The following CCSER1 variants were observed in gnomAD, a reference collection of about 807,000 sequenced individuals.
CCSER1 encodes the protein coiled-coil serine rich protein 1, also known as serine-rich coiled-coil domain-containing protein 1.
In CCSER1, 41 loss-of-function variants were observed where a neutral mutation model predicts 82.0. The observed-to-expected ratio is 0.50, with a 90% CI of 0.39 to 0.65. The LOEUF (loss-of-function observed/expected upper bound fraction) is 0.65, where lower values mean the gene tolerates loss of function less well. Ranked by LOEUF, CCSER1 falls within the 30% of genes least tolerant of loss-of-function variation. The pLI is 0.00. For missense variants in CCSER1, 1,119 were observed against 1,064.2 expected, an observed-to-expected ratio of 1.05 and a Z score of -0.72; for synonymous variants, 414 against 383.9, an observed-to-expected ratio of 1.08 and a Z score of -0.92.
chr4:90,921,143 T>C (rs987761), intron 8 of CCSER1, among the ~76,000 whole-genome samples: 149,901 of 151,940 alleles, frequency 0.99, 73,953 homozygotes, highest in East Asian at 1. Context: ...ATTTATCAAT[T>C]TATAAATTTC....
At chr4:90,713,357 G>A (rs560891957) in intron 6 of CCSER1, among the ~76,000 whole-genome samples, 168 of 151,934 alleles carry the variant, frequency 1.1e-3, no homozygotes, top group African/African-American at 4.0e-3. Context: ...AATTCCCTAA[G>A]CATTTGTTTG....
intron 3 of CCSER1, among the ~76,000 whole-genome samples, chr4:90,327,138 C>T (rs1362233091): frequency 1.3e-5 from 2 of 152,100 alleles, no homozygotes; most frequent in Non-Finnish European, 2.9e-5. Context: ...AAGCAGACAC[C>T]ATTTTCCCCT....
intron 1 of CCSER1, among the ~76,000 whole-genome samples, chr4:90,191,515 A>G (rs930908748): frequency 7.9e-5 from 12 of 152,004 alleles, no homozygotes; most frequent in Non-Finnish European, 1.6e-4. Flanking sequence ...CTATACCAGT[A>G]GTGTGGGTGA....
chr4:90,426,588 C>T (rs1192166829), intron 4 of CCSER1, among the ~76,000 whole-genome samples: 1 of 152,010 alleles, frequency 6.6e-6, no homozygotes, highest in Non-Finnish European at 1.5e-5. Flanking sequence ...CCTTTAAAAG[C>T]CGAGATTTCT....
chr4:90,491,583 C>T (rs1405865013), intron 5 of CCSER1, among the ~76,000 whole-genome samples: 1 of 152,110 alleles, frequency 6.6e-6, no homozygotes, highest in Non-Finnish European at 1.5e-5. Flanking sequence ...GAGGGCATCC[C>T]TGTCTTGTGC....
intron 10 of CCSER1, among the ~76,000 whole-genome samples, chr4:91,401,389 TATA>T (rs1362609120): frequency 6.7e-6 from 1 of 148,314 alleles, no homozygotes; most frequent in African/African-American, 2.5e-5. Context: ...AACATATCAA[TATA>T]ATATATATAT....
At chr4:90,283,259 G>A (rs1380890562) in intron 1 of CCSER1, among the ~76,000 whole-genome samples, 3 of 151,770 alleles carry the variant, frequency 2.0e-5, no homozygotes, top group Non-Finnish European at 4.4e-5. Flanking sequence ...TGATTATGTG[G>A]CATTGTATAC....
chr4:91,431,505 T>C (rs1469955789), intron 10 of CCSER1, among the ~76,000 whole-genome samples: 2 of 152,146 alleles, frequency 1.3e-5, no homozygotes, highest in African/African-American at 2.4e-5. Flanking sequence ...TTCGCTCTTG[T>C]TGCCCGGGCT....
At position 90,516,048 on chromosome 4, in the gene CCSER1, G is replaced by A. The variant is rs145701455; in HGVS notation, c.1724+47694G>A. 4.4e-3 allele frequency among the ~76,000 whole-genome samples: 667 copies of A among 152,242 alleles called. 1 individual carries two copies. The highest frequency in any genetic ancestry group is 6.8e-3 in the Non-Finnish European group (463 of 68,020). On this transcript the variant is annotated intron_variant, in intron 5 of 10. Transcript: ENST00000509176. ...AGAGAAACAGAAATATAATTTGCAC[G>A]TGCAATTGCAATATTGTAAGTACTA...
chr4:90,663,381 G>A (rs1267268589), intron 6 of CCSER1, among the ~76,000 whole-genome samples: 3 of 152,142 alleles, frequency 2.0e-5, no homozygotes, highest in Admixed American at 6.6e-5. Context: ...TCCAAAGCTC[G>A]GAGTGTTTCT....
chr4:90,296,402 A>G (rs1731933712), intron 1 of CCSER1, among the ~76,000 whole-genome samples: 1 of 152,178 alleles, frequency 6.6e-6, no homozygotes, highest in Non-Finnish European at 1.5e-5. Flanking sequence ...GCCCTTTGCC[A>G]GATGAGTAGG....
intron 5 of CCSER1, among the ~76,000 whole-genome samples, chr4:90,507,707 G>T (rs1770908980): frequency 6.6e-6 from 1 of 151,978 alleles, no homozygotes; most frequent in Admixed American, 6.6e-5. Context: ...AATCAAGGTA[G>T]GACTGTTCCT....
chr4:90,480,185 T>G (rs184186377), intron 5 of CCSER1, among the ~76,000 whole-genome samples: 2,424 of 152,290 alleles, frequency 0.016, 40 homozygotes, highest in African/African-American at 0.047. Flanking sequence ...CTTTTAAGAA[T>G]TGTCTGTTCA....
chr4:90,695,877 TTAA>T (rs1736903530), intron 6 of CCSER1, among the ~76,000 whole-genome samples: 1 of 152,028 alleles, frequency 6.6e-6, no homozygotes, highest in South Asian at 2.1e-4. Flanking sequence ...GTGAGTCTTA[TTAA>T]TGTTAATTAT....
intron 3 of CCSER1, among the ~76,000 whole-genome samples, chr4:90,352,560 G>T (rs1042953947): frequency 6.6e-6 from 1 of 151,854 alleles, no homozygotes; most frequent in Non-Finnish European, 1.5e-5. Context: ...TACTTGGGAG[G>T]TTGAGGCAGG....
intron 10 of CCSER1, among the ~76,000 whole-genome samples, chr4:91,496,552 G>T (rs1399519366): frequency 1.0e-5 from 1 of 99,262 alleles, no homozygotes; most frequent in Non-Finnish European, 2.1e-5. Context: ...TGGTATAGTT[G>T]GCATAAATCT....
chr4:90,339,381 C>T (rs1267670361), intron 3 of CCSER1, among the ~76,000 whole-genome samples: 1 of 152,142 alleles, frequency 6.6e-6, no homozygotes, highest in Non-Finnish European at 1.5e-5. Flanking sequence ...CTGCTCTCCT[C>T]AGAGCTGCTC....
At chr4:90,963,197 A>G (rs1184551098) in intron 9 of CCSER1, among the ~76,000 whole-genome samples, 1 of 152,184 alleles carries the variant, frequency 6.6e-6, no homozygotes, top group East Asian at 1.9e-4. Flanking sequence ...TGAGGAAACT[A>G]AGCTTTCATT....
At chr4:90,684,680 G>A (rs1428796271) in intron 6 of CCSER1, among the ~76,000 whole-genome samples, 1 of 152,178 alleles carries the variant, frequency 6.6e-6, no homozygotes, top group African/African-American at 2.4e-5. Context: ...GTTTGGCTGT[G>A]TCCCCACCTA....
Sources: gnomAD v4.1 joint callset for allele counts (sites outside exome capture counted in the v4.1 genomes callset) on GRCh38, gnomAD v4.1.1 for gene constraint, MANE v1.5 for transcripts, NCBI Gene and HGNC (gene_info 2026-07-23, HGNC 2026-07-21) for gene names.